Variants in RANBP3 observed in about 807,000 individuals in gnomAD.
RANBP3 encodes ran-binding protein 3.
RANBP3 carries 14 observed loss-of-function variants against 77.3 expected under a neutral mutation model. The observed-to-expected ratio is 0.18, with a 90% confidence interval of 0.12 to 0.28. The LOEUF is 0.28. RANBP3 is among the 10% of genes least tolerant of loss of function. The pLI, the probability that RANBP3 is intolerant of heterozygous loss-of-function variation, is 1.00. For synonymous variants in RANBP3, 315 were observed against 312.4 expected (o/e 1.01, Z -0.09); for missense variants, 586 against 752.3 (o/e 0.78, Z 2.59).
chr19:5,941,891 G>GC (rs747995445), intron 3 of RANBP3, 56 bp from the exon 4 acceptor site: 101 of 1,598,998 alleles, frequency 6.3e-5, no homozygotes, highest in Non-Finnish European at 8.6e-5. Context: ...CGGCAGCCGA[G>GC]CAACTCTCGG....
chr19:5,954,136 T>C (rs1363137605), intron 2 of RANBP3, among the ~76,000 whole-genome samples: 2 of 152,172 alleles, frequency 1.3e-5, no homozygotes. Context: ...GATTCAGCAA[T>C]AAAACCTGAG....
In RANBP3 at chr19:5,921,042, A is replaced by G. The variant is rs2057811361; in HGVS notation, c.1330+159T>C. 1.2e-6 allele frequency: 1 copy of G among 806,564 alleles called. No individual in the cohort carries two copies. The highest frequency in any genetic ancestry group is 1.8e-5 in the African/African-American group (1 of 55,664). 50.0% of individuals were successfully genotyped at this position (806,564 alleles called of 1,614,324 possible). ...GTGGTGTTGAGGGCTGGGTGCAGGG[A>G]GGGGGTTTGGGGGGCGGCTCTCATG... On this transcript the variant is annotated intron_variant, in intron 14 of 16. Transcript: ENST00000340578. This position sits in a 1 kb window ranked among gnomAD's most constrained non-coding sequence, Gnocchi z 5.3.
At chr19:5,926,819 A>G (rs1157382758) in intron 9 of RANBP3, among the ~76,000 whole-genome samples, 1 of 152,190 alleles carries the variant, frequency 6.6e-6, no homozygotes, top group Non-Finnish European at 1.5e-5. Context: ...GGCAACAGCA[A>G]CATCAACTTT....
In RANBP3 at chr19:5,921,018, T is replaced by G; in HGVS notation, c.1330+183A>C. On this transcript the variant is annotated intron_variant, in intron 14 of 16. Transcript: ENST00000340578. The surrounding 1 kb of genome is among the most constrained non-coding windows in gnomAD (Gnocchi z 5.3). ...GGCAGCTGGAGCCAGTGTGTGAGGG[T>G]GGTGTTGAGGGCTGGGTGCAGGGAG... The G allele has an allele frequency of 1.9e-6, 1 of 534,340 alleles. No homozygotes were observed. Among genetic ancestry groups the G allele is most frequent in the East Asian group, 3.6e-5 (1 of 28,146 alleles). The allele number at this position is 534,340 out of a possible 1,614,324, so 33.1% of individuals were successfully genotyped here.
rs1435602029 is a variant in RANBP3 at position 5,923,926 on chromosome 19, C to G, written c.997-12G>C. The G allele has an allele frequency of 6.3e-6, 10 of 1,598,892 alleles. No homozygotes were observed. Among genetic ancestry groups the G allele is most frequent in the Non-Finnish European group, 8.6e-6 (10 of 1,166,438 alleles). On this transcript the variant is annotated splice_polypyrimidine_tract_variant and intron_variant, in intron 11 of 16. Coordinates refer to ENST00000340578, the MANE Select transcript of RANBP3 (RefSeq NM_007322.3). ...AATTTTGGGGGGCTCTGCAGGGACA[C>G]AAAAGCATACAAGGAAGAGGGCACT... is the stretch of plus-strand genomic sequence containing the variant.
At chr19:5,970,477 A>G (rs1568483316) in intron 1 of RANBP3, among the ~76,000 whole-genome samples, 1 of 152,082 alleles carries the variant, frequency 6.6e-6, no homozygotes, top group Non-Finnish European at 1.5e-5. Flanking sequence ...AGTGGGGGCA[A>G]TTCTGACATT....
In RANBP3 at chr19:5,954,655, A is replaced by G. The variant is rs372909727; in HGVS notation, c.79-3059T>C. 3.2e-4 allele frequency among the ~76,000 whole-genome samples: 48 copies of G among 152,310 alleles called. 2 individuals are homozygous for G. The East Asian group carries it at 9.1e-3, about 29-fold the overall frequency. On this transcript the variant is annotated intron_variant, in intron 2 of 16. Coordinates refer to ENST00000340578, the MANE Select transcript of RANBP3 (RefSeq NM_007322.3). ...TGGGGCGGGGGGAACCTCCTCGGAA[A>G]AACAATGGCAGCAGCTCTAAAAGCT...
At chr19:5,977,114 G>A (rs1568487560) in intron 1 of RANBP3, among the ~76,000 whole-genome samples, 1 of 152,154 alleles carries the variant, frequency 6.6e-6, no homozygotes, top group African/African-American at 2.4e-5. Flanking sequence ...CTGCAATTCG[G>A]TAGGGAAAAC....
Position 5,917,841 on chromosome 19 carries a change from T to G in RANBP3, c.1613A>C (p.Asp538Ala), listed in dbSNP as rs754530843. 1.2e-6 allele frequency: 2 copies of G among 1,612,838 alleles called. No homozygotes were observed. Among genetic ancestry groups the G allele is most frequent in the Non-Finnish European group, 1.7e-6 (2 of 1,179,876 alleles). Residue 538 changes from aspartate (D) to alanine (A), a missense_variant, in exon 16 of 17, where the codon GAC becomes GCC. Transcript: ENST00000340578. Reference sequence around the variant, plus strand: ...AGCCAGGACATCGTCATCGTCGCTGTCGTCCTCCTCGTTGGATGGGGCTGC... The same window carrying G: ...AGCCAGGACATCGTCATCGTCGCTGGCGTCCTCCTCGTTGGATGGGGCTGC... ...PGAAPSNEED[D>A]SDDDDVLAPS... is the part of the protein sequence containing the mutation.
At chr19:5,922,332 C>CA (rs1416342882) in intron 13 of RANBP3, among the ~76,000 whole-genome samples, 2 of 152,286 alleles carry the variant, frequency 1.3e-5, no homozygotes, top group Non-Finnish European at 2.9e-5. Context: ...GAACAGATGA[C>CA]AAAGTGGTAA....
chr19:5,923,828 C>T lies in RANBP3; in HGVS notation c.1083G>A (p.Glu361=), dbSNP rs1213023783. 1 of 1,613,678 alleles carries T rather than the reference C, an allele frequency of 6.2e-7. No individual in the cohort carries two copies. Among genetic ancestry groups the T allele is most frequent in the Admixed American group, 1.7e-5 (1 of 60,022 alleles). Reference sequence around the variant, plus strand: ...CTAACATACCTTTCTCAGGGGTGGCCTCCTGGGACGAGGACTCAGACCCTG... The same window carrying T: ...CTAACATACCTTTCTCAGGGGTGGCTTCCTGGGACGAGGACTCAGACCCTG... ...AESGSESSSQ[E]ATPEKESLAE... is the part of the protein sequence containing the mutation. The change falls in exon 12 of 17, where the codon GAG becomes GAA. Residue 361 remains glutamate, a synonymous_variant. Transcript: ENST00000340578.
intron 3 of RANBP3, 56 bp from the exon 4 acceptor site, chr19:5,941,891 G>A (rs2058142162): frequency 1.3e-6 from 2 of 1,598,998 alleles, no homozygotes; most frequent in African/African-American, 2.7e-5. Context: ...CGGCAGCCGA[G>A]CAACTCTCGG....
chr19:5,925,039 G>A (rs1266934109), intron 10 of RANBP3, 134 bp from the exon 11 acceptor site: 13 of 807,784 alleles, frequency 1.6e-5, no homozygotes, highest in East Asian at 9.8e-5. Flanking sequence ...ACGGGGTGGC[G>A]TGTCAGAGGC....
At chr19:5,920,381 C>T (rs914787932) in intron 14 of RANBP3, among the ~76,000 whole-genome samples, 14 of 152,174 alleles carry the variant, frequency 9.2e-5, no homozygotes, top group African/African-American at 3.4e-4. Flanking sequence ...GTGAAATCAG[C>T]TTTAGAAGGA....
intron 5 of RANBP3, among the ~76,000 whole-genome samples, chr19:5,938,444 C>T (rs1050597078): frequency 2.0e-5 from 3 of 152,160 alleles, no homozygotes; most frequent in African/African-American, 7.2e-5. Flanking sequence ...AATCCTAGCA[C>T]TTTGGGAGGC....
At chr19:5,973,182 G>A (rs1199897310) in intron 1 of RANBP3, among the ~76,000 whole-genome samples, 3 of 152,210 alleles carry the variant, frequency 2.0e-5, no homozygotes, top group Non-Finnish European at 4.4e-5. Flanking sequence ...TCCAAAAGTT[G>A]TTTAAGATAG....
At chr19:5,964,861 G>T (rs1256052359) in intron 1 of RANBP3, among the ~76,000 whole-genome samples, 2 of 120,934 alleles carry the variant, frequency 1.7e-5, no homozygotes. Context: ...GTGGGGGGGG[G>T]GGTGGCACGG....
Position 5,921,379 on chromosome 19 carries a change from C to T in RANBP3, c.1210-58G>A. 1 of 1,602,354 alleles carries T rather than the reference C, an allele frequency of 6.2e-7. No individual in the cohort carries two copies. On this transcript the variant is annotated intron_variant, in intron 13 of 16. Coordinates refer to ENST00000340578, the MANE Select transcript of RANBP3 (RefSeq NM_007322.3). The surrounding 1 kb of genome is among the most constrained non-coding windows in gnomAD (Gnocchi z 5.3). ...CCCAGCTGGTGTCCTGCTGCAGCCA[C>T]ACCCTGAGAGTCGCCCTTTAGCCTG...
intron 1 of RANBP3, among the ~76,000 whole-genome samples, chr19:5,974,888 C>T (rs554389759): frequency 4.6e-5 from 7 of 152,252 alleles, no homozygotes; most frequent in Admixed American, 3.9e-4. Flanking sequence ...GGTGGACAGC[C>T]GCTGCTCAGC....
Sources: allele counts gnomAD v4.1 joint callset (sites outside exome capture counted in the v4.1 genomes callset), GRCh38; gene constraint gnomAD v4.1.1; non-coding constraint Gnocchi (gnomAD v3.1); transcripts MANE v1.5; gene names NCBI Gene and HGNC (gene_info 2026-07-23, HGNC 2026-07-21).